AUTS2: variants seen among roughly 807,000 people sequenced by gnomAD.
The protein encoded by AUTS2 is autism susceptibility gene 2 protein.
AUTS2 carries 17 observed loss-of-function variants against 112.4 expected under a neutral mutation model. The ratio of observed to expected loss-of-function variants is 0.15; its 90% CI spans 0.10 to 0.23. The LOEUF (loss-of-function observed/expected upper bound fraction) is 0.23. Ranked by LOEUF, AUTS2 falls within the 10% of genes least tolerant of loss-of-function variation. The pLI is 1.00. For missense variants in AUTS2, 1,510 were observed against 1,701.6 expected (o/e 0.89, Z 1.98); for synonymous variants, 751 against 702.7 (o/e 1.07, Z -1.09).
intron 4 of AUTS2, among the ~76,000 whole-genome samples, chr7:70,229,432 G>A (rs1811932479): frequency 6.6e-6 from 1 of 152,030 alleles, no homozygotes; most frequent in Non-Finnish European, 1.5e-5. Context: ...GAAGTTGGCT[G>A]TTCATCTTAT....
intron 5 of AUTS2, among the ~76,000 whole-genome samples, chr7:70,597,359 G>T (rs1009811622): frequency 6.6e-6 from 1 of 152,174 alleles, no homozygotes; most frequent in Non-Finnish European, 1.5e-5. Context: ...GCTCTCTGTC[G>T]CTGTGTTTTC....
At chr7:70,048,928 T>TA (rs1294036441) in intron 2 of AUTS2, among the ~76,000 whole-genome samples, 4 of 152,240 alleles carry the variant, frequency 2.6e-5, no homozygotes, top group Non-Finnish European at 5.9e-5. Context: ...TTGACTTTTT[T>TA]AAAAAACTTA....
In AUTS2 at chr7:69,673,947, A is replaced by T. The variant is rs191735964; in HGVS notation, c.309+73985A>T. Among the ~76,000 whole-genome samples the T allele has an allele frequency of 2.0e-5, 3 of 152,332 alleles. No homozygotes were observed. In the East Asian group the frequency reaches 5.8e-4, roughly 29 times the overall value. ...TCTTCATAGATGCTTTAACTTCCTAAGTGAGTTTATATATTTTTCTAAATA... is the reference window on the plus strand; with the variant it reads ...TCTTCATAGATGCTTTAACTTCCTATGTGAGTTTATATATTTTTCTAAATA... On this transcript the variant is annotated intron_variant, in intron 1 of 18. Transcript: ENST00000342771.
chr7:70,473,292 G>T (rs1278734690), intron 5 of AUTS2, among the ~76,000 whole-genome samples: 1 of 152,170 alleles, frequency 6.6e-6, no homozygotes, highest in African/African-American at 2.4e-5. Flanking sequence ...TGTAACCAGA[G>T]TAAACGTTAG....
chr7:69,660,490 G>T (rs1795741029), intron 1 of AUTS2, among the ~76,000 whole-genome samples: 2 of 152,160 alleles, frequency 1.3e-5, no homozygotes, highest in Admixed American at 6.5e-5. Flanking sequence ...AGTTACTATT[G>T]ATTTCTCTGG....
intron 4 of AUTS2, among the ~76,000 whole-genome samples, chr7:70,153,043 A>T (rs150069912): frequency 2.6e-5 from 4 of 152,210 alleles, no homozygotes; most frequent in African/African-American, 9.7e-5. Flanking sequence ...TGTATGTACA[A>T]TATATTCTAG....
rs1803851574 is a variant in AUTS2 at position 70,090,398 on chromosome 7, C to G, written c.523-27734C>G. On this transcript the variant is annotated intron_variant, in intron 2 of 18. Transcript: ENST00000342771. ...TTTTTTCTTGAGACGAAGTCTTGCT[C>G]TGTCACCCAGGCTGGAGTGCAGTGG... Among the ~76,000 whole-genome samples, 2 of 151,888 alleles carry G rather than the reference C, an allele frequency of 1.3e-5. 1 individual carries two copies. Among genetic ancestry groups the G allele is most frequent in the South Asian group, 4.2e-4 (2 of 4,816 alleles).
Position 70,640,861 on chromosome 7 carries a change from C to T in AUTS2, c.691-57708C>T, listed in dbSNP as rs140479916. The stretch of plus-strand genomic sequence containing the variant: ...CTCAGCTTTCCGTTGCTAGAGCCCA[C>T]GCCGTCATCCCTTCTTGCCCATATT... On this transcript the variant is annotated intron_variant, in intron 5 of 18. Transcript: ENST00000342771. 2.2e-3 allele frequency among the ~76,000 whole-genome samples: 332 copies of T among 152,322 alleles called. 1 individual carries two copies. The highest frequency in any genetic ancestry group is 6.8e-3 in the Middle Eastern group (2 of 294).
chr7:69,640,155 G>GT (rs1794736202), intron 1 of AUTS2, among the ~76,000 whole-genome samples: 1 of 152,074 alleles, frequency 6.6e-6, no homozygotes, highest in African/African-American at 2.4e-5. Flanking sequence ...TTTTATTACT[G>GT]TTTTGATTGG....
At chr7:70,526,292 C>T (rs554078491) in intron 5 of AUTS2, among the ~76,000 whole-genome samples, 3 of 152,344 alleles carry the variant, frequency 2.0e-5, no homozygotes, top group African/African-American at 7.2e-5. Flanking sequence ...ACACCGCACG[C>T]TCTGCTGACA....
Position 69,676,980 on chromosome 7 carries a change from A to G in AUTS2, c.309+77018A>G, listed in dbSNP as rs1050737946. Among the ~76,000 whole-genome samples, 6 of 152,104 alleles carry G rather than the reference A, an allele frequency of 3.9e-5. No homozygotes were observed. In the East Asian group the frequency reaches 9.6e-4, roughly 24 times the overall value. ...TCATCATTCATTTTAACAGTGGACAATTTTGGTGCCTGTTTATGGAGATTC... is the reference window on the plus strand; with the variant it reads ...TCATCATTCATTTTAACAGTGGACAGTTTTGGTGCCTGTTTATGGAGATTC... On this transcript the variant is annotated intron_variant, in intron 1 of 18. Coordinates refer to ENST00000342771, the MANE Select transcript of AUTS2 (RefSeq NM_015570.4).
chr7:70,241,558 G>A (rs910029861), intron 4 of AUTS2, among the ~76,000 whole-genome samples: 1 of 151,962 alleles, frequency 6.6e-6, no homozygotes, highest in Non-Finnish European at 1.5e-5. Flanking sequence ...CCTTGGTTTG[G>A]GTTCTTTCTC....
intron 2 of AUTS2, among the ~76,000 whole-genome samples, chr7:69,951,546 G>T (rs1797027521): frequency 6.6e-6 from 1 of 152,124 alleles, no homozygotes; most frequent in Non-Finnish European, 1.5e-5. Context: ...TTTGCATTTG[G>T]CTTTTTTGAG....
At chr7:70,681,213 T>C (rs576132461) in intron 5 of AUTS2, among the ~76,000 whole-genome samples, 2 of 152,298 alleles carry the variant, frequency 1.3e-5, no homozygotes, top group Non-Finnish European at 2.9e-5. Context: ...GTGCCCCAGT[T>C]CAGGAGCAGA....
At chr7:70,518,123 G>C (rs935614361) in intron 5 of AUTS2, among the ~76,000 whole-genome samples, 2 of 152,188 alleles carry the variant, frequency 1.3e-5, no homozygotes, top group Admixed American at 1.3e-4. Context: ...TTCAGAAACA[G>C]AATGGCAAAG....
intron 1 of AUTS2, among the ~76,000 whole-genome samples, chr7:69,720,949 G>A (rs1798898624): frequency 6.6e-6 from 1 of 152,194 alleles, no homozygotes; most frequent in Non-Finnish European, 1.5e-5. Context: ...TCTTGAGAAA[G>A]CGGTAGAAGA....
At chr7:69,756,302 T>C (rs1322398063) in intron 1 of AUTS2, among the ~76,000 whole-genome samples, 1 of 152,234 alleles carries the variant, frequency 6.6e-6, no homozygotes, top group Non-Finnish European at 1.5e-5. Flanking sequence ...GACAGGCTGC[T>C]AAAGCCTAAG....
chr7:69,744,120 C>T (rs919874658), intron 1 of AUTS2, among the ~76,000 whole-genome samples: 2 of 152,086 alleles, frequency 1.3e-5, no homozygotes, highest in African/African-American at 4.8e-5. Context: ...GAGGTTCATT[C>T]ATGTTGGCAT....
intron 6 of AUTS2, among the ~76,000 whole-genome samples, chr7:70,743,907 G>A (rs375982697): frequency 6.6e-6 from 1 of 152,156 alleles, no homozygotes; most frequent in South Asian, 2.1e-4. Flanking sequence ...ATAGGAACTT[G>A]AAGCAAAGAA....
Sources: allele counts gnomAD v4.1 joint callset (sites outside exome capture counted in the v4.1 genomes callset), GRCh38; gene constraint gnomAD v4.1.1; transcripts MANE v1.5; gene names NCBI Gene and HGNC (gene_info 2026-07-23, HGNC 2026-07-21).